The following PTPRG variants were observed in gnomAD, a reference collection of about 807,000 sequenced individuals.
The protein encoded by PTPRG is protein tyrosine phosphatase receptor type G.
Under a neutral mutation model 165.3 loss-of-function variants are expected in PTPRG, and 102 were observed. The observed-to-expected ratio is 0.62, with a 90% CI of 0.53 to 0.73. The LOEUF (loss-of-function observed/expected upper bound fraction) is 0.73, where lower values mean the gene tolerates loss of function less well. Ranked by LOEUF, PTPRG falls within the 30% of genes least tolerant of loss-of-function variation. PTPRG has a pLI of 0.00. For synonymous variants in PTPRG, 675 were observed against 669.5 expected (o/e 1.01, Z -0.13); for missense variants, 1,866 against 1,861.4 (o/e 1.00, Z -0.05).
chr3:61,722,244 C>CAT (rs966480641), intron 1 of PTPRG, among the ~76,000 whole-genome samples: 6 of 151,838 alleles, frequency 4.0e-5, no homozygotes, highest in African/African-American at 1.2e-4. Flanking sequence ...CACACACACA[C>CAT]ATGCACAAAA....
chr3:62,181,224 A>G (rs559484415), intron 8 of PTPRG, among the ~76,000 whole-genome samples: 2 of 152,214 alleles, frequency 1.3e-5, no homozygotes, highest in Non-Finnish European at 2.9e-5. Flanking sequence ...AGGGTCCCAC[A>G]TCGGAAGAAG....
chr3:61,808,523 C>A (rs1463346064), intron 2 of PTPRG, among the ~76,000 whole-genome samples: 1 of 152,136 alleles, frequency 6.6e-6, no homozygotes, highest in Non-Finnish European at 1.5e-5. Context: ...CCTTCCCAGG[C>A]AGGAATCAAT....
At chr3:61,756,306 G>C (rs866380788) in intron 2 of PTPRG, among the ~76,000 whole-genome samples, 5 of 152,178 alleles carry the variant, frequency 3.3e-5, no homozygotes, top group Admixed American at 1.3e-4. Flanking sequence ...CTTCAAGATA[G>C]AGAACAAATT....
Position 61,644,617 on chromosome 3 carries a change from C to T in PTPRG, c.85+82245C>T, listed in dbSNP as rs557077051. On this transcript the variant is annotated intron_variant, in intron 1 of 29. Transcript: ENST00000474889. ...GCCCCCTTTTTGTTCCATCTCTATC[C>T]GAAATAGGACTAGTTTGGCTTTTGT... Among the ~76,000 whole-genome samples, 23 of 152,138 alleles carry T rather than the reference C, an allele frequency of 1.5e-4. 1 individual carries two copies. Among genetic ancestry groups the T allele is most frequent in the East Asian group, 9.6e-4 (5 of 5,182 alleles).
chr3:61,938,905 G>T (rs2039544421), intron 2 of PTPRG, among the ~76,000 whole-genome samples: 1 of 152,160 alleles, frequency 6.6e-6, no homozygotes, highest in South Asian at 2.1e-4. Context: ...AATATTTCAT[G>T]AGCGGCCATT....
At chr3:61,822,284 C>T (rs565274660) in intron 2 of PTPRG, among the ~76,000 whole-genome samples, 1 of 152,284 alleles carries the variant, frequency 6.6e-6, no homozygotes, top group African/African-American at 2.4e-5. Flanking sequence ...TTGGGTTTCA[C>T]GTTGTAATTG....
chr3:62,258,378 A>G (rs535929207), intron 16 of PTPRG, among the ~76,000 whole-genome samples: 2 of 152,220 alleles, frequency 1.3e-5, no homozygotes, highest in African/African-American at 2.4e-5. Flanking sequence ...AAAGAGTTCA[A>G]TCTGGTACTG....
chr3:61,588,809 CAT>C (rs1232334882), intron 1 of PTPRG, among the ~76,000 whole-genome samples: 1 of 152,160 alleles, frequency 6.6e-6, no homozygotes, highest in South Asian at 2.1e-4. Flanking sequence ...CACACATACT[CAT>C]ATATGCATCC....
intron 5 of PTPRG, among the ~76,000 whole-genome samples, chr3:62,128,120 C>T (rs540445524): frequency 3.6e-4 from 54 of 152,030 alleles, no homozygotes; most frequent in African/African-American, 1.2e-3. Context: ...AGCCCTTTTT[C>T]GAGTTTGTGT....
chr3:61,926,067 C>T (rs1018599726), intron 2 of PTPRG, among the ~76,000 whole-genome samples: 1 of 152,164 alleles, frequency 6.6e-6, no homozygotes, highest in Non-Finnish European at 1.5e-5. Flanking sequence ...TTAGCAAGAT[C>T]TGCAGGTCAT....
At chr3:62,167,874 C>G (rs1319002839) in intron 7 of PTPRG, 97 bp from the exon 8 acceptor site, 5 of 1,257,616 alleles carry the variant, frequency 4.0e-6, no homozygotes, top group Non-Finnish European at 5.7e-6. Flanking sequence ...ATGCTCTTAT[C>G]ACCTTCACCT....
At chr3:61,785,672 G>A (rs1041890823) in intron 2 of PTPRG, among the ~76,000 whole-genome samples, 7 of 152,104 alleles carry the variant, frequency 4.6e-5, no homozygotes, top group Admixed American at 3.3e-4. Flanking sequence ...ATTCTGTGTC[G>A]AATTGAAAGC....
At chr3:62,153,458 A>G (rs988792635) in intron 6 of PTPRG, among the ~76,000 whole-genome samples, 21 of 152,222 alleles carry the variant, frequency 1.4e-4, no homozygotes, top group African/African-American at 3.9e-4. Context: ...CGAAGCCCAT[A>G]CTGGAGCTTT....
At chr3:62,064,882 C>T (rs1700958128) in intron 4 of PTPRG, among the ~76,000 whole-genome samples, 1 of 151,978 alleles carries the variant, frequency 6.6e-6, no homozygotes. Flanking sequence ...CAGGCGCGTG[C>T]CACCACGCCA....
intron 5 of PTPRG, among the ~76,000 whole-genome samples, chr3:62,113,349 A>C (rs908679423): frequency 1.1e-4 from 17 of 152,160 alleles, no homozygotes; most frequent in Non-Finnish European, 1.5e-5. Context: ...GCACCACTCT[A>C]GTTCCTGCCA....
At chr3:61,764,999 A>G (rs765495184) in intron 2 of PTPRG, among the ~76,000 whole-genome samples, 7 of 152,226 alleles carry the variant, frequency 4.6e-5, no homozygotes, top group African/African-American at 9.6e-5. Flanking sequence ...CCAAATGCCA[A>G]TAGTGCCAAG....
chr3:61,885,656 T>TCTC (rs2038008569), intron 2 of PTPRG, among the ~76,000 whole-genome samples: 1 of 45,878 alleles, frequency 2.2e-5, no homozygotes, highest in Non-Finnish European at 4.2e-5. Context: ...CTCTTTTCCT[T>TCTC]CTCTCCTCTC....
intron 2 of PTPRG, among the ~76,000 whole-genome samples, chr3:61,951,797 T>C (rs1258732595): frequency 1.3e-5 from 2 of 152,138 alleles, no homozygotes; most frequent in African/African-American, 4.8e-5. Flanking sequence ...TGACTGGTAT[T>C]AGCAAGTAAC....
At chr3:61,991,879 T>C (rs1390384134) in intron 3 of PTPRG, among the ~76,000 whole-genome samples, 1 of 152,222 alleles carries the variant, frequency 6.6e-6, no homozygotes, top group Non-Finnish European at 1.5e-5. Context: ...TTTAGACGTA[T>C]GTAGGGTTCA....
Sources: gnomAD v4.1 joint callset for allele counts (sites outside exome capture counted in the v4.1 genomes callset) on GRCh38, gnomAD v4.1.1 for gene constraint, MANE v1.5 for transcripts, NCBI Gene and HGNC (gene_info 2026-07-23, HGNC 2026-07-21) for gene names.